WNT9B: variants seen among roughly 807,000 people sequenced by gnomAD.
The protein encoded by WNT9B is Wnt family member 9B, also known as protein Wnt-9b.
Under a neutral mutation model 30.2 loss-of-function variants are expected in WNT9B, and 12 were observed. The ratio of observed to expected loss-of-function variants is 0.40; its 90% CI spans 0.26 to 0.64. WNT9B has a LOEUF of 0.64. WNT9B is among the 30% of genes least tolerant of loss of function. The probability of loss-of-function intolerance (pLI) is 0.42; values close to 1 mark genes in which losing one functional copy is unlikely to be tolerated. For synonymous variants in WNT9B, 218 were observed against 216.9 expected (o/e 1.01, Z -0.05); for missense variants, 442 against 485.2 (o/e 0.91, Z 0.84).
intron 1 of WNT9B, among the ~76,000 whole-genome samples, chr17:46,859,670 A>C (rs753682157): frequency 6.6e-6 from 1 of 152,192 alleles, no homozygotes; most frequent in Non-Finnish European, 1.5e-5. Context: ...TGCATGGGCT[A>C]TTCAGGGTCA....
intron 1 of WNT9B, among the ~76,000 whole-genome samples, chr17:46,865,604 T>C (rs1255697241): frequency 6.6e-6 from 1 of 152,034 alleles, no homozygotes; most frequent in Non-Finnish European, 1.5e-5. Context: ...GGCAAAAAGC[T>C]GATGCTTAGA....
At position 46,843,397 on chromosome 17, in the gene WNT9B, AG is replaced by A. The variant is rs2084738399; in HGVS notation, c.95+9960del. On this transcript the variant is annotated intron_variant, in intron 1 of 2. Coordinates refer to the WNT9B transcript ENST00000575372. ...TCAAACGTTTGTGTGACTAATTAGG[AG>A]GGACTATTCCATTCGTTAAAGTGAA... 3.3e-5 allele frequency among the ~76,000 whole-genome samples: 5 copies of A among 152,164 alleles called. 1 individual carries two copies. The South Asian group carries it at 1.0e-3, about 31-fold the overall frequency.
At chr17:46,859,999 C>T (rs972318282) in intron 1 of WNT9B, among the ~76,000 whole-genome samples, 4 of 151,804 alleles carry the variant, frequency 2.6e-5, no homozygotes, top group Admixed American at 2.0e-4. Flanking sequence ...TGAATTGGGG[C>T]CTGAGAAAAA....
chr17:46,836,460 CT>C (rs1293448845), intron 1 of WNT9B, among the ~76,000 whole-genome samples: 9 of 152,018 alleles, frequency 5.9e-5, no homozygotes, highest in African/African-American at 2.2e-4. Flanking sequence ...CAAGTAAGCA[CT>C]TTGAATATCT....
intron 2 of WNT9B, among the ~76,000 whole-genome samples, 169 bp downstream of exon 2, chr17:46,872,942 G>A (rs1474273688): frequency 6.6e-6 from 1 of 152,116 alleles, no homozygotes; most frequent in African/African-American, 2.4e-5. Flanking sequence ...GTTAATGAGG[G>A]GCAGTTGAAG....
At chr17:46,886,431 C>T (rs530454002) in exon 5 of WNT9B, 23 of 152,230 alleles carry the variant, frequency 1.5e-4, no homozygotes, top group African/African-American at 5.1e-4. Flanking sequence ...ACAGACCAAA[C>T]AAATATGGAG....
chr17:46,850,518 T>C (rs2084828245), upstream of WNT9B, among the ~76,000 whole-genome samples: 1 of 152,236 alleles, frequency 6.6e-6, no homozygotes, highest in African/African-American at 2.4e-5. Flanking sequence ...AGTCACTTGA[T>C]GTTCCCTATG....
At chr17:46,845,529 A>C (rs1598831375) in intron 1 of WNT9B, among the ~76,000 whole-genome samples, 5 of 129,436 alleles carry the variant, frequency 3.9e-5, no homozygotes, top group Admixed American at 9.4e-5. Flanking sequence ...TTGCTCTGTC[A>C]CCCTGGCCAG....
chr17:46,862,783 C>T (rs2085063509), intron 1 of WNT9B, among the ~76,000 whole-genome samples: 1 of 152,130 alleles, frequency 6.6e-6, no homozygotes, highest in South Asian at 2.1e-4. Context: ...GGGGTTTTAC[C>T]ATGTTGGCCA....
chr17:46,881,591 C>T (rs1315442689), downstream of WNT9B, among the ~76,000 whole-genome samples: 1 of 152,190 alleles, frequency 6.6e-6, no homozygotes, highest in Non-Finnish European at 1.5e-5. Flanking sequence ...CCTCCTCCTG[C>T]CCTCATCTGA....
At chr17:46,848,214 G>T (rs2084799689), upstream of WNT9B, among the ~76,000 whole-genome samples, 1 of 152,182 alleles carries the variant, frequency 6.6e-6, no homozygotes. Flanking sequence ...CAAATGCCTG[G>T]ACTTGGGCTG....
At chr17:46,861,121 T>C (rs2085030121) in intron 1 of WNT9B, among the ~76,000 whole-genome samples, 1 of 152,226 alleles carries the variant, frequency 6.6e-6, no homozygotes, top group South Asian at 2.1e-4. Flanking sequence ...GAACCCCAAC[T>C]GGAGGCCTGT....
At chr17:46,858,063 G>A (rs2084968520) in intron 1 of WNT9B, among the ~76,000 whole-genome samples, 1 of 152,142 alleles carries the variant, frequency 6.6e-6, no homozygotes, top group African/African-American at 2.4e-5. Flanking sequence ...CCAAGTAGCT[G>A]GGACTACAGG....
Position 46,843,437 on chromosome 17 carries a change from A to G in WNT9B, c.95+9997A>G, listed in dbSNP as rs2084738894. ...CGTTAAAGTGAAGAAAGAAGGACTG[A>G]AAAAAAAAATCACTCTGCAAAATCC... On this transcript the variant is annotated intron_variant, in intron 1 of 2. Transcript: ENST00000575372. 2.0e-5 allele frequency among the ~76,000 whole-genome samples: 3 copies of G among 148,564 alleles called. No homozygotes were observed. The Admixed American group carries it at 2.1e-4, about 10-fold the overall frequency.
chr17:46,885,308 C>CG (rs1267735895), downstream of WNT9B: 143 of 214,744 alleles, frequency 6.7e-4, no homozygotes, highest in Non-Finnish European at 1.0e-3. Context: ...GCCTGGCCAG[C>CG]ATTTTTTTTT....
At position 46,879,333 on chromosome 17, in the gene WNT9B, T is replaced by C. The variant is rs1395024396; in HGVS notation, c.*2615T>C. Among the ~76,000 whole-genome samples, 1 of 152,120 alleles carries C rather than the reference T, an allele frequency of 6.6e-6. No homozygotes were observed. Among genetic ancestry groups the C allele is most frequent in the Admixed American group, 6.5e-5 (1 of 15,278 alleles). On this transcript the variant is annotated 3_prime_UTR_variant, in exon 4 of 4. Coordinates refer to ENST00000290015, the MANE Select transcript of WNT9B (RefSeq NM_003396.3). ...ATGACTGGGTCTGTCTCGGAGCTGG[T>C]AAGCACATGTCCGCTCTGTGATGAG...
At position 46,872,860 on chromosome 17, in the gene WNT9B, T is replaced by C. The variant is rs2085274431; in HGVS notation, c.334+87T>C. ...CTGGGAGAGGCTGCCCTTTCCTTTTTCCTGGCTCCCGTGCCCAGGCCACAC... is the reference window on the plus strand; with the variant it reads ...CTGGGAGAGGCTGCCCTTTCCTTTTCCCTGGCTCCCGTGCCCAGGCCACAC... On this transcript the variant is annotated intron_variant, in intron 2 of 3. Transcript: ENST00000290015. 2.8e-6 allele frequency: 4 copies of C among 1,448,674 alleles called. No individual in the cohort carries two copies. The East Asian group carries it at 9.6e-5, about 35-fold the overall frequency. The allele number at this position is 1,448,674 out of a possible 1,614,324, so 89.7% of individuals were successfully genotyped here. A position where few individuals can be genotyped will look rare whatever the true frequency, so the allele number is the denominator to read the frequency against.
chr17:46,861,413 T>G (rs757837958), intron 1 of WNT9B, among the ~76,000 whole-genome samples: 115 of 152,274 alleles, frequency 7.6e-4, no homozygotes, highest in Non-Finnish European at 1.5e-3. Context: ...TCCTTTCCCC[T>G]GGAATCTCCC....
intron 2 of WNT9B, 143 bp from the exon 3 acceptor site, chr17:46,874,958 C>T: frequency 1.5e-6 from 2 of 1,328,526 alleles, no homozygotes; most frequent in Non-Finnish European, 2.2e-6. Context: ...GCTGTGTCCT[C>T]AAGCCACATT....
Sources: gnomAD v4.1 joint callset for allele counts (sites outside exome capture counted in the v4.1 genomes callset) on GRCh38, gnomAD v4.1.1 for gene constraint, MANE v1.5 for transcripts, NCBI Gene and HGNC (gene_info 2026-07-23, HGNC 2026-07-21) for gene names.